The following ZC3H11A variants were observed in gnomAD, a reference collection of about 807,000 sequenced individuals.
ZC3H11A encodes the protein zinc finger CCCH domain-containing protein 11A.
In ZC3H11A, 22 loss-of-function variants were observed where a neutral mutation model predicts 90.8. The ratio of observed to expected loss-of-function variants is 0.24; its 90% CI spans 0.17 to 0.35. The LOEUF is 0.35. Ranked by LOEUF, ZC3H11A falls within the 10% of genes least tolerant of loss-of-function variation. The probability of loss-of-function intolerance (pLI) is 1.00; values close to 1 mark genes in which losing one functional copy is unlikely to be tolerated. For synonymous variants in ZC3H11A, 294 were observed against 339.8 expected (o/e 0.87, Z 1.48); for missense variants, 701 against 964.9 (o/e 0.73, Z 3.62).
rs781753328 is a variant in ZC3H11A at position 203,798,988 on chromosome 1, A to G, written c.-1587-2587A>G. ...CACCTGACTGTTGACATATGGACCC[A>G]TGACCCATCCACTGACTATTTTATT... On this transcript the variant is annotated intron_variant, in intron 1 of 17. Transcript: ENST00000367210. The G allele has an allele frequency of 8.5e-6, 13 of 1,536,024 alleles. No homozygotes were observed. The highest frequency in any genetic ancestry group is 1.2e-5 in the South Asian group (1 of 84,070).
At chr1:203,848,201 A>G in intron 13 of ZC3H11A, 130 bp from the exon 14 acceptor site, 1 of 781,686 alleles carries the variant, frequency 1.3e-6, no homozygotes, top group Non-Finnish European at 2.1e-6. Context: ...TTAGGAGCAC[A>G]GATGGGCTTT....
In ZC3H11A at chr1:203,852,517, A is replaced by C; in HGVS notation, c.*118A>C. 8.9e-7 allele frequency: 1 copy of C among 1,127,948 alleles called. No individual in the cohort carries two copies. Among genetic ancestry groups the C allele is most frequent in the Non-Finnish European group, 1.2e-6 (1 of 802,966 alleles). The allele number at this position is 1,127,948 out of a possible 1,614,324, so 69.9% of individuals were successfully genotyped here. On this transcript the variant is annotated 3_prime_UTR_variant, in exon 18 of 18. Transcript: ENST00000367210. ...TAGTCTAGAATTTGCCCCAAATCAG[A>C]AGTATACCTCTGAATTATCTGTATG...
At chr1:203,799,233 C>T (rs756860781) in intron 1 of ZC3H11A, 5 of 868,464 alleles carry the variant, frequency 5.8e-6, no homozygotes, top group Non-Finnish European at 9.3e-6. Flanking sequence ...TAATGTGGTA[C>T]ATGCAATCAA....
intron 16 of ZC3H11A, 60 bp from the exon 17 acceptor site, chr1:203,850,997 G>T (rs1689111492): frequency 6.4e-7 from 1 of 1,572,656 alleles, no homozygotes; most frequent in Admixed American, 1.8e-5. Flanking sequence ...AAAAGAAAAT[G>T]AATATGCTCA....
At chr1:203,804,152 G>GTTT (rs74546279) in intron 2 of ZC3H11A, among the ~76,000 whole-genome samples, 3 of 105,154 alleles carry the variant, frequency 2.9e-5, no homozygotes, top group Non-Finnish European at 4.2e-5. Flanking sequence ...CTGTATATGT[G>GTTT]TTTTTTTTTT....
Position 203,852,333 on chromosome 1 carries a change from T to G in ZC3H11A, c.2367T>G (p.Ile789Met). 6.2e-7 allele frequency: 1 copy of G among 1,613,814 alleles called. No individual in the cohort carries two copies. Among genetic ancestry groups the G allele is most frequent in the Non-Finnish European group, 8.5e-7 (1 of 1,179,864 alleles). ...CAGGAGGCAAATTGGAAGCTGAGAT[T>G]GACCTGGATCCTGGGAAAGATGAAG... is the stretch of plus-strand genomic sequence containing the variant. ...EISGGKLEAE[I>M]DLDPGKDEDD... Residue 789 changes from isoleucine to methionine, a missense_variant, in exon 18 of 18, where the codon ATT (isoleucine) becomes ATG (methionine). Physicochemically the swap from Ile to Met is conservative, Grantham distance 10. Transcript: ENST00000367210.
At position 203,853,660 on chromosome 1, in the gene ZC3H11A, C is replaced by T. The variant is rs1303247421; in HGVS notation, c.*1261C>T. 6.6e-6 allele frequency: 1 copy of T among 152,618 alleles called. No individual in the cohort carries two copies. Among genetic ancestry groups the T allele is most frequent in the Non-Finnish European group, 1.5e-5 (1 of 68,038 alleles). The allele number at this position is 152,618 out of a possible 1,614,324, so 9.5% of individuals were successfully genotyped here. A position where few individuals can be genotyped will look rare whatever the true frequency, so the allele number is the denominator to read the frequency against. On this transcript the variant is annotated 3_prime_UTR_variant, in exon 18 of 18. Coordinates refer to ENST00000367210, the MANE Select transcript of ZC3H11A (RefSeq NM_001376342.1). The stretch of plus-strand genomic sequence containing the variant: ...ATCTGACCCACCTGTCATGTTGGCT[C>T]CTAAGGAACTGCTGTTGTAAGCGGC...
chr1:203,799,050 TTTCTC>T, intron 1 of ZC3H11A: 1 of 1,536,186 alleles, frequency 6.5e-7, no homozygotes, highest in Non-Finnish European at 8.7e-7. Context: ...AACTGCGTCT[TTTCTC>T]AATAATGGCA....
intron 2 of ZC3H11A, among the ~76,000 whole-genome samples, chr1:203,813,148 T>C (rs1675086244): frequency 6.6e-6 from 1 of 152,182 alleles, no homozygotes; most frequent in African/African-American, 2.4e-5. Context: ...TTAACAGAGC[T>C]TTCACAGAGC....
Position 203,821,378 on chromosome 1 carries a change from A to G in ZC3H11A, c.174+2689A>G, listed in dbSNP as rs11240566. On this transcript the variant is annotated intron_variant, in intron 4 of 17. Transcript: ENST00000367210. ...TATAGCAATGTGAAAATGGACTAAT[A>G]CATGTGGTTTTCTATTTTAATCAGT... is the stretch of plus-strand genomic sequence containing the variant. Among the ~76,000 whole-genome samples, 950 of 152,146 alleles carry G rather than the reference A, an allele frequency of 6.2e-3. 14 individuals are homozygous for G. Among genetic ancestry groups the G allele is most frequent in the East Asian group, 0.043 (222 of 5,174 alleles).
intron 13 of ZC3H11A, 26 bp downstream of exon 13, chr1:203,847,713 A>T (rs1396685234): frequency 6.2e-7 from 1 of 1,600,802 alleles, no homozygotes; most frequent in Non-Finnish European, 8.5e-7. Context: ...GGTCTCTAGT[A>T]CCACGTCCCC....
At chr1:203,799,169 G>T (rs774043096) in intron 1 of ZC3H11A, 1 of 1,394,896 alleles carries the variant, frequency 7.2e-7, no homozygotes, top group African/African-American at 1.4e-5. Flanking sequence ...AGATTGGTCT[G>T]TGGCTTTCTC....
In ZC3H11A at chr1:203,846,160, T is replaced by TGG. The variant is rs35704322; in HGVS notation, c.1043-1015_1043-1014dup. Among the ~76,000 whole-genome samples, 193 of 132,046 alleles carry TGG rather than the reference T, an allele frequency of 1.5e-3. 1 individual carries two copies. Among genetic ancestry groups the TGG allele is most frequent in the African/African-American group, 2.7e-3 (98 of 36,584 alleles). 86.6% of individuals were successfully genotyped at this position (132,046 alleles called of 152,430 possible). A position where few individuals can be genotyped will look rare whatever the true frequency, so the allele number is the denominator to read the frequency against. On this transcript the variant is annotated intron_variant, in intron 12 of 17. Coordinates refer to ENST00000367210, the MANE Select transcript of ZC3H11A (RefSeq NM_001376342.1). ...AGATTTTGAAAAGATATAATTTTTT[T>TGG]GGGGGGGGGGTTCATTAAAAGCTGT... is the stretch of plus-strand genomic sequence containing the variant.
intron 1 of ZC3H11A, chr1:203,800,429 T>C: frequency 7.1e-7 from 1 of 1,402,026 alleles, no homozygotes; most frequent in Non-Finnish European, 9.6e-7. Flanking sequence ...AGAATGAAGT[T>C]GTTCAAAGCA....
Position 203,828,428 on chromosome 1 carries a change from A to C in ZC3H11A, c.298+6A>C. On this transcript the variant is annotated splice_donor_region_variant and intron_variant, in intron 5 of 17. Transcript: ENST00000367210. ...TTTCCTACCTCCGAGCAAAAGTGAG[A>C]TCAGTTTTTAATTTTAAAAGAATAT... 6.2e-7 allele frequency: 1 copy of C among 1,604,498 alleles called. No individual in the cohort carries two copies. The highest frequency in any genetic ancestry group is 8.5e-7 in the Non-Finnish European group (1 of 1,174,560).
At chr1:203,829,956 G>C (rs1681722836) in intron 7 of ZC3H11A, 60 bp downstream of exon 7, 1 of 1,499,778 alleles carries the variant, frequency 6.7e-7, no homozygotes, top group Non-Finnish European at 9.3e-7. Flanking sequence ...TTGAAATTTA[G>C]TTCACAATCA....
chr1:203,820,678 C>A (rs772456243), intron 4 of ZC3H11A, among the ~76,000 whole-genome samples: 1 of 151,828 alleles, frequency 6.6e-6, no homozygotes, highest in African/African-American at 2.4e-5. Flanking sequence ...CGAGGTTTCG[C>A]GATGTTGGCC....
chr1:203,799,363 A>G, intron 1 of ZC3H11A: 3 of 704,198 alleles, frequency 4.3e-6, no homozygotes, highest in Non-Finnish European at 7.8e-6. Flanking sequence ...AAAACTTGTC[A>G]TCATTTTAGT....
intron 9 of ZC3H11A, among the ~76,000 whole-genome samples, 166 bp from the exon 10 acceptor site, chr1:203,833,625 T>G (rs1480553028): frequency 1.3e-5 from 2 of 149,418 alleles, no homozygotes; most frequent in South Asian, 2.1e-4. Flanking sequence ...TGGGTTTTTT[T>G]TTTTTTTTTT....
Sources: allele counts gnomAD v4.1 joint callset (sites outside exome capture counted in the v4.1 genomes callset), GRCh38; gene constraint gnomAD v4.1.1; transcripts MANE v1.5; gene names NCBI Gene and HGNC (gene_info 2026-07-23, HGNC 2026-07-21).